Variants in IGFBP7 observed in about 807,000 individuals in gnomAD.
IGFBP7 encodes insulin like growth factor binding protein 7.
In IGFBP7, 31 loss-of-function variants were observed where a neutral mutation model predicts 29.4. The observed-to-expected ratio is 1.05, with a 90% CI of 0.79 to 1.42. IGFBP7 has a LOEUF of 1.42. IGFBP7 is among the 40% of genes most tolerant of loss of function. The pLI, the probability that IGFBP7 is intolerant of heterozygous loss-of-function variation, is 0.00. For synonymous variants in IGFBP7, 172 were observed against 174.9 expected (o/e 0.98, Z 0.13); for missense variants, 393 against 395.5 (o/e 0.99, Z 0.05).
intron 1 of IGFBP7, among the ~76,000 whole-genome samples, chr4:57,058,082 A>G (rs1724715195): frequency 6.6e-6 from 1 of 152,150 alleles, no homozygotes; most frequent in Non-Finnish European, 1.5e-5. Context: ...CCCATTCACA[A>G]AAAAGTCGTG....
intron 1 of IGFBP7, among the ~76,000 whole-genome samples, chr4:57,100,382 G>A (rs143610470): frequency 1.3e-5 from 2 of 152,266 alleles, no homozygotes; most frequent in African/African-American, 4.8e-5. Context: ...GCCTGACCAG[G>A]CTCTAAGATT....
intron 2 of IGFBP7, among the ~76,000 whole-genome samples, chr4:57,033,906 C>G (rs1724012463): frequency 6.6e-6 from 1 of 152,016 alleles, no homozygotes; most frequent in South Asian, 2.1e-4. Context: ...CAAAAATTAG[C>G]CGATTGTGTT....
chr4:57,099,243 T>C (rs1725835489), intron 1 of IGFBP7, among the ~76,000 whole-genome samples: 1 of 152,184 alleles, frequency 6.6e-6, no homozygotes, highest in African/African-American at 2.4e-5. Flanking sequence ...TCAGCTGCCT[T>C]TCTGCCTGTA....
intron 1 of IGFBP7, among the ~76,000 whole-genome samples, chr4:57,057,837 C>A (rs974429196): frequency 1.6e-4 from 25 of 152,202 alleles, no homozygotes; most frequent in African/African-American, 6.0e-4. Context: ...AGAAAGTAAT[C>A]CAGGTTTACC....
chr4:57,076,422 C>T (rs11573059), intron 1 of IGFBP7, among the ~76,000 whole-genome samples: 6,347 of 152,298 alleles, frequency 0.042, 175 homozygotes, highest in Middle Eastern at 0.092. Flanking sequence ...GGATGTCCCT[C>T]TCTTGGCTCT....
rs903687465 is a variant in IGFBP7, at chr4:57,032,416, T to C, written c.829+10A>G. The C allele has an allele frequency of 1.2e-6, 2 of 1,613,598 alleles. No individual in the cohort carries two copies. The highest frequency in any genetic ancestry group is 2.7e-5 in the African/African-American group (2 of 74,918). Reference sequence around the variant, plus strand: ...GTCATTTTTAAATGGCTGTGAGATTTATTGTGTACCTTTTTTCACTGGTAT... The same window carrying C: ...GTCATTTTTAAATGGCTGTGAGATTCATTGTGTACCTTTTTTCACTGGTAT... On this transcript the variant is annotated intron_variant, in intron 4 of 4. Coordinates refer to ENST00000295666, the MANE Select transcript of IGFBP7 (RefSeq NM_001553.3).
chr4:57,054,070 A>G (rs1382595599), intron 1 of IGFBP7, among the ~76,000 whole-genome samples: 3 of 151,986 alleles, frequency 2.0e-5, no homozygotes, highest in Admixed American at 2.0e-4. Context: ...TTGGACTCCC[A>G]GGAGTCCAAG....
At chr4:57,092,644 C>T (rs1472680755) in intron 1 of IGFBP7, among the ~76,000 whole-genome samples, 3 of 151,026 alleles carry the variant, frequency 2.0e-5, no homozygotes, top group African/African-American at 4.8e-5. Context: ...AAGCTGGAAT[C>T]ACTAATGTCA....
intron 1 of IGFBP7, among the ~76,000 whole-genome samples, chr4:57,070,569 A>G (rs10516161): frequency 0.089 from 13,469 of 152,088 alleles, 804 homozygotes; most frequent in African/African-American, 0.17. Flanking sequence ...GTTGCAAATC[A>G]CTCCTCTGCA....
At chr4:57,034,805 C>T (rs762025522) in intron 2 of IGFBP7, among the ~76,000 whole-genome samples, 1 of 152,100 alleles carries the variant, frequency 6.6e-6, no homozygotes, top group African/African-American at 2.4e-5. Flanking sequence ...TGGCTTTTTG[C>T]ATTTTTTTTC....
intron 2 of IGFBP7, among the ~76,000 whole-genome samples, chr4:57,036,372 C>A (rs1390225646): frequency 6.6e-6 from 1 of 152,058 alleles, no homozygotes; most frequent in Non-Finnish European, 1.5e-5. Context: ...ATTACTATTA[C>A]CTTAGAGGTC....
chr4:57,052,022 A>T (rs1365599437), intron 1 of IGFBP7, among the ~76,000 whole-genome samples: 1 of 152,206 alleles, frequency 6.6e-6, no homozygotes, highest in African/African-American at 2.4e-5. Flanking sequence ...AGCAGAAAGC[A>T]GATGAGGTGG....
At position 57,075,944 on chromosome 4, in the gene IGFBP7, T is replaced by A. The variant is rs1377282190; in HGVS notation, c.475+33933A>T. 2.0e-5 allele frequency among the ~76,000 whole-genome samples: 3 copies of A among 152,184 alleles called. No homozygotes were observed. The East Asian group carries it at 5.8e-4, about 29-fold the overall frequency. Reference sequence around the variant, plus strand: ...GAACATCTCTTTATTTTCAGAACTTTCGAGAATTCAGGAATACGATATAAA... The same window carrying A: ...GAACATCTCTTTATTTTCAGAACTTACGAGAATTCAGGAATACGATATAAA... On this transcript the variant is annotated intron_variant, in intron 1 of 4. Transcript: ENST00000295666.
chr4:57,037,256 G>C (rs946230023), intron 2 of IGFBP7, among the ~76,000 whole-genome samples: 4 of 152,182 alleles, frequency 2.6e-5, no homozygotes, highest in Non-Finnish European at 5.9e-5. Flanking sequence ...GAGGAAAACC[G>C]GCAGAGCATC....
intron 1 of IGFBP7, among the ~76,000 whole-genome samples, chr4:57,090,408 T>C (rs1725606590): frequency 6.6e-6 from 1 of 152,238 alleles, no homozygotes; most frequent in South Asian, 2.1e-4. Context: ...TCTTATTCTG[T>C]AGTGTTGAAA....
At chr4:57,069,655 C>T (rs2109774034) in intron 1 of IGFBP7, among the ~76,000 whole-genome samples, 1 of 148,874 alleles carries the variant, frequency 6.7e-6, no homozygotes, top group East Asian at 2.1e-4. Flanking sequence ...CAGAGAAGGC[C>T]CTATCTCTAA....
chr4:57,031,203 G>T lies in IGFBP7; in HGVS notation c.*114C>A. Reference sequence around the variant, plus strand: ...TTGTATTTCTCTGTGTAAAACCAGTGAATATAACTAAAGTGTTAGTGGATT... The same window carrying T: ...TTGTATTTCTCTGTGTAAAACCAGTTAATATAACTAAAGTGTTAGTGGATT... On this transcript the variant is annotated 3_prime_UTR_variant, in exon 5 of 5. Coordinates refer to ENST00000295666, the MANE Select transcript of IGFBP7 (RefSeq NM_001553.3). 2.2e-6 allele frequency: 2 copies of T among 907,468 alleles called. No individual in the cohort carries two copies. Among genetic ancestry groups the T allele is most frequent in the Non-Finnish European group, 3.6e-6 (2 of 556,854 alleles). The allele number at this position is 907,468 out of a possible 1,614,324, so 56.2% of individuals were successfully genotyped here.
chr4:57,060,129 G>C (rs1330987537), intron 1 of IGFBP7, among the ~76,000 whole-genome samples: 3 of 152,144 alleles, frequency 2.0e-5, no homozygotes, highest in Non-Finnish European at 4.4e-5. Context: ...TTATAAAACA[G>C]GCGAAGTGCA....
chr4:57,084,940 G>C lies in IGFBP7; in HGVS notation c.475+24937C>G, dbSNP rs770001083. ...CAAGTAGCTGGAACTACAGGTGTGT[G>C]ACATCATGCCTGGATAATTTTTTTT... is the stretch of plus-strand genomic sequence containing the variant. On this transcript the variant is annotated intron_variant, in intron 1 of 4. Transcript: ENST00000295666. 1.6e-3 allele frequency among the ~76,000 whole-genome samples: 236 copies of C among 151,814 alleles called. 1 individual carries two copies. Among genetic ancestry groups the C allele is most frequent in the Non-Finnish European group, 2.4e-3 (162 of 67,918 alleles).
Sources: gnomAD v4.1 joint callset for allele counts (sites outside exome capture counted in the v4.1 genomes callset) on GRCh38, gnomAD v4.1.1 for gene constraint, MANE v1.5 for transcripts, NCBI Gene and HGNC (gene_info 2026-07-23, HGNC 2026-07-21) for gene names.